ETV6: variants seen among roughly 807,000 people sequenced by gnomAD.
ETV6 encodes the protein ETS variant transcription factor 6.
Under a neutral mutation model 51.1 loss-of-function variants are expected in ETV6, and 16 were observed. That is an observed-to-expected ratio of 0.31 (90% CI 0.21 to 0.48). The LOEUF (loss-of-function observed/expected upper bound fraction) is 0.48. Among genes scored for constraint, ETV6 ranks in the 20% least tolerant of loss-of-function variants. The probability of loss-of-function intolerance (pLI) is 0.99; values close to 1 mark genes in which losing one functional copy is unlikely to be tolerated. For missense variants in ETV6, 458 were observed against 594.8 expected, an observed-to-expected ratio of 0.77 and a Z score of 2.39; for synonymous variants, 240 against 224.1, an observed-to-expected ratio of 1.07 and a Z score of -0.64.
At chr12:11,760,005 A>G (rs978045119) in intron 2 of ETV6, among the ~76,000 whole-genome samples, 3 of 152,172 alleles carry the variant, frequency 2.0e-5, no homozygotes, top group African/African-American at 7.2e-5. Flanking sequence ...CGACGTTTAG[A>G]TGTTGCTGCT....
chr12:11,764,194 T>C (rs901330413), intron 2 of ETV6, among the ~76,000 whole-genome samples: 2 of 152,226 alleles, frequency 1.3e-5, no homozygotes, highest in African/African-American at 4.8e-5. Context: ...CTCCTGAATT[T>C]TTTGAAGTGG....
chr12:11,862,136 T>G (rs1161289199), intron 4 of ETV6, among the ~76,000 whole-genome samples: 2 of 152,216 alleles, frequency 1.3e-5, no homozygotes, highest in East Asian at 3.9e-4. Flanking sequence ...CCATTTTGTT[T>G]TGTTTAGCCC....
At position 11,777,582 on chromosome 12, in the gene ETV6, A is replaced by T. The variant is rs927264363; in HGVS notation, c.163+25003A>T. ...ATGCAAATCTGGGCGTGCATTTTCC[A>T]TTGTCCCCTCCCCACCTGCGCTTAA... On this transcript the variant is annotated intron_variant, in intron 2 of 7. Transcript: ENST00000396373. Among the ~76,000 whole-genome samples the T allele has an allele frequency of 3.1e-4, 47 of 151,756 alleles. 1 individual carries two copies. The highest frequency in any genetic ancestry group is 1.1e-3 in the African/African-American group (47 of 41,342).
rs201185408 is a variant in ETV6, at chr12:11,751,784, G to A, written c.34-666G>A. 405 of 480,554 alleles carry A rather than the reference G, an allele frequency of 8.4e-4. 2 individuals are homozygous for A. Among genetic ancestry groups the A allele is most frequent in the Non-Finnish European group, 1.5e-3 (353 of 241,784 alleles). The allele number at this position is 480,554 out of a possible 1,614,324, so 29.8% of individuals were successfully genotyped here. A position where few individuals can be genotyped will look rare whatever the true frequency, so the allele number is the denominator to read the frequency against. On this transcript the variant is annotated intron_variant, in intron 1 of 7. Coordinates refer to ENST00000396373, the MANE Select transcript of ETV6 (RefSeq NM_001987.5). ...GAGGGAAAGGAAATATCGATTCTGAGATGGAGAGTAAAAGAACAAGGAGAT... is the reference window on the plus strand; with the variant it reads ...GAGGGAAAGGAAATATCGATTCTGAAATGGAGAGTAAAAGAACAAGGAGAT...
intron 2 of ETV6, among the ~76,000 whole-genome samples, chr12:11,831,602 G>A (rs1434658337): frequency 6.6e-6 from 1 of 152,202 alleles, no homozygotes; most frequent in Non-Finnish European, 1.5e-5. Context: ...AGGAAAAGGA[G>A]ACAGGGAATA....
intron 1 of ETV6, among the ~76,000 whole-genome samples, chr12:11,739,613 TG>T (rs1865771145): frequency 6.6e-6 from 1 of 152,192 alleles, no homozygotes; most frequent in Non-Finnish European, 1.5e-5. Flanking sequence ...GGATTTGAAA[TG>T]TGCTCTAATG....
chr12:11,846,913 C>T (rs1186549852), intron 3 of ETV6, among the ~76,000 whole-genome samples: 1 of 152,182 alleles, frequency 6.6e-6, no homozygotes, highest in Non-Finnish European at 1.5e-5. Context: ...CGCTCTGTCG[C>T]CCAGGCTGGA....
intron 1 of ETV6, among the ~76,000 whole-genome samples, chr12:11,728,111 C>T (rs996924112): frequency 1.6e-4 from 25 of 152,320 alleles, no homozygotes; most frequent in East Asian, 5.8e-4. Context: ...TGAGCCACCG[C>T]TCCCCGGCCT....
At chr12:11,886,771 A>G (rs982061643) in intron 7 of ETV6, among the ~76,000 whole-genome samples, 1 of 152,190 alleles carries the variant, frequency 6.6e-6, no homozygotes, top group African/African-American at 2.4e-5. Flanking sequence ...CTGGAAGAAG[A>G]AGGAGGGATC....
chr12:11,885,888 T>C, intron 6 of ETV6, 38 bp from the exon 7 acceptor site: 1 of 1,462,064 alleles, frequency 6.8e-7, no homozygotes, highest in Non-Finnish European at 9.6e-7. Context: ...CATTGTGTCT[T>C]TGTGCTTTTT....
intron 2 of ETV6, among the ~76,000 whole-genome samples, chr12:11,816,621 G>A (rs1945998294): frequency 6.6e-6 from 1 of 152,168 alleles, no homozygotes; most frequent in Non-Finnish European, 1.5e-5. Context: ...TTATTGGATA[G>A]AGGAGAGACC....
chr12:11,869,989 G>C lies in ETV6; in HGVS notation c.1009+20G>C, dbSNP rs755291938. 2.5e-6 allele frequency: 4 copies of C among 1,578,602 alleles called. No homozygotes were observed. The highest frequency in any genetic ancestry group is 3.4e-6 in the Non-Finnish European group (4 of 1,168,070). On this transcript the variant is annotated intron_variant, in intron 5 of 7. Transcript: ENST00000396373. The surrounding 1 kb of genome is among the most constrained non-coding windows in gnomAD (Gnocchi z 5.0). Reference sequence around the variant, plus strand: ...TAGCAGGTGAGTGAGTTCCCCTCTCGCCGCTCCAGCATCATGGGGACCTGA... The same window carrying C: ...TAGCAGGTGAGTGAGTTCCCCTCTCCCCGCTCCAGCATCATGGGGACCTGA...
intron 1 of ETV6, among the ~76,000 whole-genome samples, chr12:11,751,231 C>T (rs528058458): frequency 1.6e-4 from 25 of 152,278 alleles, no homozygotes; most frequent in Admixed American, 5.2e-4. Context: ...CCGAGGACTC[C>T]GCCGCTTCCC....
intron 1 of ETV6, among the ~76,000 whole-genome samples, chr12:11,687,854 CAG>C (rs1304081961): frequency 6.6e-6 from 1 of 152,140 alleles, no homozygotes; most frequent in African/African-American, 2.4e-5. Context: ...GTTTAAAGCA[CAG>C]AGAAAGTTTG....
chr12:11,874,280 G>A (rs1468191163), intron 5 of ETV6, among the ~76,000 whole-genome samples: 2 of 151,892 alleles, frequency 1.3e-5, no homozygotes, highest in African/African-American at 2.4e-5. Flanking sequence ...AGGAGGCTGA[G>A]GTGGGAGAAT....
chr12:11,724,766 T>C (rs1274818765), intron 1 of ETV6, among the ~76,000 whole-genome samples: 2 of 152,236 alleles, frequency 1.3e-5, no homozygotes, highest in Non-Finnish European at 2.9e-5. Flanking sequence ...AGTAGATATG[T>C]CTCTAGATAA....
chr12:11,655,632 T>C (rs1019323011), intron 1 of ETV6, among the ~76,000 whole-genome samples: 1 of 152,242 alleles, frequency 6.6e-6, no homozygotes, highest in African/African-American at 2.4e-5. Context: ...AGTGCTACGA[T>C]GTGCTTGGAA....
At chr12:11,813,800 C>G (rs1012010370) in intron 2 of ETV6, among the ~76,000 whole-genome samples, 1 of 152,230 alleles carries the variant, frequency 6.6e-6, no homozygotes, top group Non-Finnish European at 1.5e-5. Flanking sequence ...AAATCTTCCA[C>G]TTTATTTAAG....
intron 1 of ETV6, among the ~76,000 whole-genome samples, chr12:11,697,087 A>C (rs1381989685): frequency 6.6e-6 from 1 of 152,254 alleles, no homozygotes; most frequent in Non-Finnish European, 1.5e-5. Flanking sequence ...AGCTGCAATC[A>C]GTGAATCTAC....
Sources: allele counts gnomAD v4.1 joint callset (sites outside exome capture counted in the v4.1 genomes callset), GRCh38; gene constraint gnomAD v4.1.1; non-coding constraint Gnocchi (gnomAD v3.1); transcripts MANE v1.5; gene names NCBI Gene and HGNC (gene_info 2026-07-23, HGNC 2026-07-21).